The following METTL8 variants were observed in gnomAD, a reference collection of about 807,000 sequenced individuals.
METTL8 encodes tRNA N(3)-cytidine methyltransferase METTL8, mitochondrial.
A neutral mutation model predicts 48.7 loss-of-function variants in METTL8; 32 were observed. That is an observed-to-expected ratio of 0.66 (90% confidence interval 0.50 to 0.88). The LOEUF (loss-of-function observed/expected upper bound fraction) is 0.88, where lower values mean the gene tolerates loss of function less well. Among genes scored for constraint, METTL8 ranks in the 40% least tolerant of loss-of-function variants. The pLI is 0.00. For missense variants in METTL8, 464 were observed against 474.4 expected (o/e 0.98, Z 0.20); for synonymous variants, 136 against 157.1 (o/e 0.87, Z 1.01).
chr2:171,431,453 G>C (rs557102903), intron 1 of METTL8, among the ~76,000 whole-genome samples: 13 of 152,058 alleles, frequency 8.5e-5, no homozygotes, highest in Admixed American at 7.9e-4. Context: ...CTCACTCTCC[G>C]GGGTCCACAC....
At chr2:171,334,704 T>C (rs189049800) in intron 5 of METTL8, among the ~76,000 whole-genome samples, 3 of 152,216 alleles carry the variant, frequency 2.0e-5, no homozygotes, top group Admixed American at 6.5e-5. Flanking sequence ...TTCTAAAACA[T>C]AGGTATGAGG....
At chr2:171,337,410 T>C in intron 5 of METTL8, 43 bp downstream of exon 5, 1 of 1,440,002 alleles carries the variant, frequency 6.9e-7, no homozygotes, top group Non-Finnish European at 9.5e-7. Context: ...CAACATTCCA[T>C]AAATATGTAA....
In METTL8 at chr2:171,324,292, T is replaced by C; in HGVS notation, c.1104A>G (p.Gln368=). The C allele has an allele frequency of 1.3e-6, 2 of 1,551,674 alleles. No individual in the cohort carries two copies. The highest frequency in any genetic ancestry group is 1.7e-6 in the Non-Finnish European group (2 of 1,146,992). Residue 368 remains glutamine, a synonymous_variant, in exon 10 of 10, where the codon CAA becomes CAG. Coordinates refer to ENST00000375258, the MANE Select transcript of METTL8 (RefSeq NM_001321154.2). ...EKQNLVDRRL[Q]VNRKKQVKMH... is the part of the protein sequence containing the mutation. ...TTTTCACTTGTTTTTTCCTATTAAC[T>C]TGTAAGCGGCGATCAACCAGATTTT...
intron 1 of METTL8, among the ~76,000 whole-genome samples, chr2:171,396,395 C>T (rs901417514): frequency 1.3e-5 from 2 of 151,900 alleles, no homozygotes; most frequent in Non-Finnish European, 2.9e-5. Flanking sequence ...TAATAAATGT[C>T]CCTTCTTATC....
intron 1 of METTL8, among the ~76,000 whole-genome samples, chr2:171,401,418 A>C (rs1689628491): frequency 6.6e-6 from 1 of 152,164 alleles, no homozygotes; most frequent in Admixed American, 6.6e-5. Flanking sequence ...GGTTATTAGC[A>C]AGAACAGAAC....
At chr2:171,360,643 G>A (rs1478296076) in intron 2 of METTL8, 130 bp from the exon 3 acceptor site, 1 of 720,978 alleles carries the variant, frequency 1.4e-6, no homozygotes, top group Non-Finnish European at 2.2e-6. Context: ...CACATGGAAT[G>A]AATACATTTT....
chr2:171,370,521 G>A lies in METTL8; in HGVS notation c.144-10008C>T, dbSNP rs553270343. 5.9e-5 allele frequency among the ~76,000 whole-genome samples: 9 copies of A among 152,308 alleles called. No homozygotes were observed. The East Asian group carries it at 1.5e-3, about 26-fold the overall frequency. ...CAAAACAGCATACGGGCTGGGCACG[G>A]TGGCTCATGCCTGTAATCCCACCAC... On this transcript the variant is annotated intron_variant, in intron 2 of 9. Transcript: ENST00000375258.
In METTL8 at chr2:171,316,251, C is replaced by T. The variant is rs550956186; in HGVS notation, c.*7921G>A. 7.2e-5 allele frequency among the ~76,000 whole-genome samples: 11 copies of T among 152,306 alleles called. No individual in the cohort carries two copies. The highest frequency in any genetic ancestry group is 2.6e-4 in the Admixed American group (4 of 15,310). ...AATTCTCATGCCGGCATGGGGCTGC[C>T]GGGCACCCAGCTCCTTTCCTGTGGG... is the stretch of plus-strand genomic sequence containing the variant. On this transcript the variant is annotated 3_prime_UTR_variant, in exon 10 of 10. Transcript: ENST00000375258.
intron 1 of METTL8, among the ~76,000 whole-genome samples, chr2:171,408,005 T>C (rs1334262569): frequency 1.3e-5 from 2 of 152,232 alleles, no homozygotes; most frequent in Non-Finnish European, 1.5e-5. Flanking sequence ...TTCTTTATAA[T>C]GAGAGTTGCA....
intron 3 of METTL8, among the ~76,000 whole-genome samples, chr2:171,356,960 T>TTTTTTTTTTTTG (rs1559101921): frequency 4.9e-5 from 6 of 123,622 alleles, no homozygotes; most frequent in African/African-American, 1.2e-4. Context: ...ATATTTTTTT[T>TTTTTTTTTTTTG]TTTTTTTTTG....
At chr2:171,335,859 T>C (rs557320091) in intron 5 of METTL8, among the ~76,000 whole-genome samples, 2 of 152,320 alleles carry the variant, frequency 1.3e-5, no homozygotes, top group Admixed American at 6.5e-5. Flanking sequence ...TCCCTCCCTC[T>C]CCTTTTCCTC....
intron 2 of METTL8, among the ~76,000 whole-genome samples, chr2:171,380,099 CAA>C: frequency 6.6e-6 from 1 of 152,154 alleles, no homozygotes; most frequent in Non-Finnish European, 1.5e-5. Flanking sequence ...TCAGCATATG[CAA>C]ATCAATAAGC....
chr2:171,366,251 T>G (rs1011196356), intron 2 of METTL8, among the ~76,000 whole-genome samples: 10 of 152,160 alleles, frequency 6.6e-5, no homozygotes, highest in African/African-American at 2.4e-4. Context: ...AAGATCTATC[T>G]GAGCATCTTG....
At chr2:171,343,837 C>T (rs1214060008) in intron 3 of METTL8, among the ~76,000 whole-genome samples, 2 of 152,148 alleles carry the variant, frequency 1.3e-5, no homozygotes, top group Non-Finnish European at 2.9e-5. Flanking sequence ...CTACAGACTA[C>T]AAAATCTTGG....
rs536827465 is a variant in METTL8, at chr2:171,323,279, T to A, written c.*893A>T. On this transcript the variant is annotated 3_prime_UTR_variant, in exon 10 of 10. Coordinates refer to ENST00000375258, the MANE Select transcript of METTL8 (RefSeq NM_001321154.2). ...GACAAGGTCTCACCATGTCACCCAG[T>A]TTGGAGCGCAGTGGTACAATCTCAG... is the stretch of plus-strand genomic sequence containing the variant. The A allele has an allele frequency of 3.7e-5, 5 of 136,420 alleles. No individual in the cohort carries two copies. Among genetic ancestry groups the A allele is most frequent in the Non-Finnish European group, 7.7e-5 (5 of 65,348 alleles). 8.5% of individuals were successfully genotyped at this position (136,420 alleles called of 1,614,324 possible).
intron 1 of METTL8, among the ~76,000 whole-genome samples, chr2:171,410,406 A>G (rs1201053079): frequency 1.3e-5 from 2 of 152,230 alleles, no homozygotes; most frequent in Non-Finnish European, 2.9e-5. Context: ...TATTTAATAC[A>G]AAAACAATCT....
At chr2:171,345,860 C>T (rs571570684) in intron 3 of METTL8, among the ~76,000 whole-genome samples, 1 of 152,000 alleles carries the variant, frequency 6.6e-6, no homozygotes, top group East Asian at 1.9e-4. Context: ...TATGTTAACT[C>T]AAAAATTGCC....
rs1399514113 is a variant in METTL8, at chr2:171,425,017, G to C, written c.-13+8866C>G. Among the ~76,000 whole-genome samples the C allele has an allele frequency of 2.6e-5, 4 of 152,108 alleles. No individual in the cohort carries two copies. In the East Asian group the frequency reaches 7.7e-4, roughly 29 times the overall value. ...ATGCTGTTCTCATGATAGTGAGTGT[G>C]TTCTCATGAGATCTGATGGTTTTAT... On this transcript the variant is annotated intron_variant, in intron 1 of 9. Transcript: ENST00000375258.
chr2:171,346,238 G>C (rs1263114909), intron 3 of METTL8, among the ~76,000 whole-genome samples: 1 of 152,102 alleles, frequency 6.6e-6, no homozygotes. Context: ...TGTTGCTCAG[G>C]CTGGTCTCAA....
Sources: gnomAD v4.1 joint callset for allele counts (sites outside exome capture counted in the v4.1 genomes callset) on GRCh38, gnomAD v4.1.1 for gene constraint, MANE v1.5 for transcripts, NCBI Gene and HGNC (gene_info 2026-07-23, HGNC 2026-07-21) for gene names.